BCAM: variants seen among roughly 807,000 people sequenced by gnomAD.
The protein encoded by BCAM is basal cell adhesion molecule (Lutheran blood group).
A neutral mutation model predicts 72.4 loss-of-function variants in BCAM; 61 were observed. The ratio of observed to expected loss-of-function variants is 0.84; its 90% CI spans 0.69 to 1.04. The LOEUF is 1.04. BCAM is among the 50% of genes least tolerant of loss of function. The pLI, the probability that BCAM is intolerant of heterozygous loss-of-function variation, is 0.00. For missense variants in BCAM, 909 were observed against 895.0 expected (o/e 1.02, Z -0.20); for synonymous variants, 408 against 384.2 (o/e 1.06, Z -0.73).
At chr19:44,819,928 C>CCCCAA in intron 13 of BCAM, 1 of 302,128 alleles carries the variant, frequency 3.3e-6, no homozygotes, top group East Asian at 8.0e-5. Context: ...CCCAACTCAT[C>CCCCAA]CTCATCCCCA....
In BCAM at chr19:44,812,724, C is replaced by T. The variant is rs1034998254; in HGVS notation, c.504+176C>T. 10 of 679,900 alleles carry T rather than the reference C, an allele frequency of 1.5e-5. No homozygotes were observed. Among genetic ancestry groups the T allele is most frequent in the Non-Finnish European group, 2.2e-5 (9 of 411,442 alleles). 42.1% of individuals were successfully genotyped at this position (679,900 alleles called of 1,614,324 possible). ...CAGCATTTTGGGAGGCAGAGGCAGG[C>T]GGATCACCTGAGGTCAGGAGTTCCA... On this transcript the variant is annotated intron_variant, in intron 4 of 14. Coordinates refer to ENST00000270233, the MANE Select transcript of BCAM (RefSeq NM_005581.5). This position sits in a 1 kb window ranked among gnomAD's most constrained non-coding sequence, Gnocchi z 5.3.
In BCAM at chr19:44,812,537, T is replaced by C; in HGVS notation, c.493T>C (p.Ser165Pro). 1.2e-6 allele frequency: 2 copies of C among 1,614,168 alleles called. No individual in the cohort carries two copies. Among genetic ancestry groups the C allele is most frequent in the Non-Finnish European group, 1.7e-6 (2 of 1,180,004 alleles). The change falls in exon 4 of 15, where the codon TCT (serine) becomes CCT (proline). Residue 165 changes from serine to proline, a missense_variant. Transcript: ENST00000270233. The surrounding 1 kb of genome is among the most constrained non-coding windows in gnomAD (Gnocchi z 5.3). ...AGGGACACTGTCTGTGATGGAGGAC[T>C]CTGCCCAGGAGGTACCTCTCGGGTG... Reference protein sequence around the residue: ...NKGTLSVMEDSAQEIATCNSR... With the variant: ...NKGTLSVMEDPAQEIATCNSR...
Position 44,819,187 on chromosome 19 carries a change from G to T in BCAM, c.1468G>T (p.Gly490Cys). ...CAAACTCAGCTGGAGCCAATTGGGG[G>T]GCAGCGTAAGGGACCTTCCTCTCCA... The part of the protein sequence containing the change: ...DPKLSWSQLG[G>C]SPAEPIPGRQ... Residue 490 changes from glycine (G) to cysteine (C), a missense_variant, in exon 11 of 15, where the codon GGC becomes TGC. Coordinates refer to ENST00000270233, the MANE Select transcript of BCAM (RefSeq NM_005581.5). 1.2e-6 allele frequency: 2 copies of T among 1,613,910 alleles called. No individual in the cohort carries two copies. The highest frequency in any genetic ancestry group is 1.7e-6 in the Non-Finnish European group (2 of 1,179,934).
At chr19:44,809,232 G>T in intron 1 of BCAM, 26 bp downstream of exon 1, 1 of 1,420,358 alleles carries the variant, frequency 7.0e-7, no homozygotes, top group Non-Finnish European at 9.2e-7. Flanking sequence ...AGGGCAAGGT[G>T]GGACTGGGGA....
rs1968584626 is a variant in BCAM, at chr19:44,821,089, T to G, written c.*168T>G. ...AAGGCAGGGACCCACAGTGGCTGCC[T>G]GCCTCCGGGAGGGAAGGAGAGGGAG... is the stretch of plus-strand genomic sequence containing the variant. On this transcript the variant is annotated 3_prime_UTR_variant, in exon 15 of 15. Transcript: ENST00000270233. The G allele has an allele frequency of 2.5e-5, 13 of 519,634 alleles. No individual in the cohort carries two copies. Among genetic ancestry groups the G allele is most frequent in the South Asian group, 1.3e-4 (3 of 22,786 alleles). The allele number at this position is 519,634 out of a possible 1,614,324, so 32.2% of individuals were successfully genotyped here.
chr19:44,811,017 G>T (rs565986751), intron 1 of BCAM, among the ~76,000 whole-genome samples: 5 of 151,374 alleles, frequency 3.3e-5, no homozygotes, highest in South Asian at 2.1e-4. Flanking sequence ...GGGAGGAGGG[G>T]CTGGGGCCTA....
rs757873954 is a variant in BCAM at position 44,818,553 on chromosome 19, G to T, written c.1110G>T (p.Lys370Asn). 6.2e-7 allele frequency: 1 copy of T among 1,614,082 alleles called. No individual in the cohort carries two copies. Among genetic ancestry groups the T allele is most frequent in the East Asian group, 2.2e-5 (1 of 44,880 alleles). Reference protein sequence around the residue: ...YLDPLELSEGKVLSLPLNSSA... With the variant: ...YLDPLELSEGNVLSLPLNSSA... ...ACCCCCTGGAGCTCAGCGAGGGGAA[G>T]GTGCTTTCCTTACCTCTAAACAGCA... The change falls in exon 9 of 15, where the codon AAG becomes AAT. Residue 370 changes from lysine to asparagine, a missense_variant. Physicochemically the swap from Lys to Asn is moderately conservative, Grantham distance 94. Coordinates refer to ENST00000270233, the MANE Select transcript of BCAM (RefSeq NM_005581.5). The surrounding 1 kb of genome is among the most constrained non-coding windows in gnomAD (Gnocchi z 4.6).
rs1281483942 is a variant in BCAM at position 44,814,455 on chromosome 19, G to A, written c.922-149G>A. The A allele has an allele frequency of 1.5e-5, 21 of 1,376,668 alleles. No individual in the cohort carries two copies. Among genetic ancestry groups the A allele is most frequent in the East Asian group, 2.5e-5 (1 of 40,592 alleles). The allele number at this position is 1,376,668 out of a possible 1,614,324, so 85.3% of individuals were successfully genotyped here. A position where few individuals can be genotyped will look rare whatever the true frequency, so the allele number is the denominator to read the frequency against. Reference sequence around the variant, plus strand: ...AGGACCTCTGACCCCTGATTTGAGAGAGTCAGGACTTAGCATGCCACCTGA... The same window carrying A: ...AGGACCTCTGACCCCTGATTTGAGAAAGTCAGGACTTAGCATGCCACCTGA... On this transcript the variant is annotated intron_variant, in intron 7 of 14. Coordinates refer to ENST00000270233, the MANE Select transcript of BCAM (RefSeq NM_005581.5). The surrounding 1 kb of genome is among the most constrained non-coding windows in gnomAD (Gnocchi z 4.6).
In BCAM at chr19:44,813,295, A is replaced by G. The variant is rs1397120071; in HGVS notation, c.550A>G (p.Thr184Ala). 6.2e-7 allele frequency: 1 copy of G among 1,614,118 alleles called. No homozygotes were observed. The highest frequency in any genetic ancestry group is 1.1e-5 in the South Asian group (1 of 91,088). Reference sequence around the variant, plus strand: ...GAACGGGAACCCGGCCCCCAAGATCACGTGGTATCGCAACGGGCAGCGCCT... The same window carrying G: ...GAACGGGAACCCGGCCCCCAAGATCGCGTGGTATCGCAACGGGCAGCGCCT... ...SRNGNPAPKI[T>A]WYRNGQRLEV... is the part of the protein sequence containing the mutation. The change falls in exon 5 of 15, where the codon ACG becomes GCG. Residue 184 changes from threonine (T) to alanine (A), a missense_variant. By Grantham distance (58) the Thr-to-Ala change is moderately conservative. Transcript: ENST00000270233. The surrounding 1 kb of genome is among the most constrained non-coding windows in gnomAD (Gnocchi z 4.2).
Position 44,820,693 on chromosome 19 carries a change from T to C in BCAM, c.1764-12T>C. 7.5e-7 allele frequency: 1 copy of C among 1,341,178 alleles called. No homozygotes were observed. Among genetic ancestry groups the C allele is most frequent in the Non-Finnish European group, 9.6e-7 (1 of 1,038,228 alleles). 83.1% of individuals were successfully genotyped at this position (1,341,178 alleles called of 1,614,324 possible). On this transcript the variant is annotated splice_polypyrimidine_tract_variant and intron_variant, in intron 13 of 14. Coordinates refer to ENST00000270233, the MANE Select transcript of BCAM (RefSeq NM_005581.5). ...CAACACGACGCCTCCGCCCGCTGCC[T>C]CCTCCCCCCAGGCCGCCAGGGGAGC... is the stretch of plus-strand genomic sequence containing the variant.
At chr19:44,811,067 T>C (rs28399607) in intron 1 of BCAM, among the ~76,000 whole-genome samples, 158 bp from the exon 2 acceptor site, 5,400 of 140,572 alleles carry the variant, frequency 0.038, 141 homozygotes, top group Non-Finnish European at 0.059. Context: ...GGGGCCCAGA[T>C]TCCTGGGTCT....
intron 1 of BCAM, among the ~76,000 whole-genome samples, chr19:44,810,425 C>T (rs1439392566): frequency 6.6e-6 from 1 of 152,160 alleles, no homozygotes; most frequent in Non-Finnish European, 1.5e-5. Flanking sequence ...CTGAAACCTG[C>T]CCAGCCCTGT....
At position 44,811,626 on chromosome 19, in the gene BCAM, C is replaced by A. The variant is rs935319368; in HGVS notation, c.204+280C>A. ...CAGAAGCCAGGCACGGTGGCTCACG[C>A]CTGTAATCCCAGCACTTTGGGAGGC... On this transcript the variant is annotated intron_variant, in intron 2 of 14. Transcript: ENST00000270233. 214 of 394,898 alleles carry A rather than the reference C, an allele frequency of 5.4e-4. 1 individual carries two copies. The highest frequency in any genetic ancestry group is 4.2e-3 in the African/African-American group (202 of 48,580). The allele number at this position is 394,898 out of a possible 1,614,324, so 24.5% of individuals were successfully genotyped here. A position where few individuals can be genotyped will look rare whatever the true frequency, so the allele number is the denominator to read the frequency against.
Position 44,818,488 on chromosome 19 carries a change from T to C in BCAM, c.1079-34T>C. 6.3e-7 allele frequency: 1 copy of C among 1,593,362 alleles called. No individual in the cohort carries two copies. The highest frequency in any genetic ancestry group is 8.6e-7 in the Non-Finnish European group (1 of 1,163,878). The stretch of plus-strand genomic sequence containing the variant: ...GAGCCCCTAATTGAGTGGGTGGCGG[T>C]CTGGGACGAGTGACAGACTGTCCCC... On this transcript the variant is annotated intron_variant, in intron 8 of 14. Transcript: ENST00000270233. This position sits in a 1 kb window ranked among gnomAD's most constrained non-coding sequence, Gnocchi z 4.6.
At chr19:44,820,507 T>G (rs111777472) in intron 13 of BCAM, 198 bp from the exon 14 acceptor site, 20 of 1,264,310 alleles carry the variant, frequency 1.6e-5, no homozygotes, top group Non-Finnish European at 1.8e-5. Flanking sequence ...CAATAGCATC[T>G]GCATCCCCAT....
Position 44,811,279 on chromosome 19 carries a change from G to T in BCAM, c.137G>T (p.Gly46Val). Reference protein sequence around the residue: ...SVPPLVEVMRGKSVILDCTPT... With the variant: ...SVPPLVEVMRVKSVILDCTPT... The stretch of plus-strand genomic sequence containing the variant: ...CCCCCGCTGGTGGAGGTGATGCGAG[G>T]AAAGTCTGTCATTCTGGACTGCACC... Residue 46 changes from glycine to valine, a missense_variant, in exon 2 of 15, where the codon GGA becomes GTA. Coordinates refer to ENST00000270233, the MANE Select transcript of BCAM (RefSeq NM_005581.5). The T allele has an allele frequency of 6.2e-7, 1 of 1,613,442 alleles. No homozygotes were observed. The highest frequency in any genetic ancestry group is 8.5e-7 in the Non-Finnish European group (1 of 1,179,948).
intron 1 of BCAM, 47 bp from the exon 2 acceptor site, chr19:44,811,178 C>T (rs747272404): frequency 6.2e-7 from 1 of 1,609,922 alleles, no homozygotes; most frequent in Admixed American, 1.7e-5. Flanking sequence ...GTCTGGAGGG[C>T]TCTTCCTGTT....
intron 8 of BCAM, among the ~76,000 whole-genome samples, chr19:44,817,032 T>TTG (rs1968511647): frequency 6.6e-6 from 1 of 151,956 alleles, no homozygotes; most frequent in Non-Finnish European, 1.5e-5. Context: ...GGTCAGGAGT[T>TTG]TGAGACCATC....
Position 44,814,499 on chromosome 19 carries a change from C to A in BCAM, c.922-105C>A. On this transcript the variant is annotated intron_variant, in intron 7 of 14. Transcript: ENST00000270233. This position sits in a 1 kb window ranked among gnomAD's most constrained non-coding sequence, Gnocchi z 4.6. ...CACCTGACTTGATGGCCCCTGACCC[C>A]TGATTCTGGCTTAGCATGACACTAA... 1 of 1,486,732 alleles carries A rather than the reference C, an allele frequency of 6.7e-7. No individual in the cohort carries two copies. The highest frequency in any genetic ancestry group is 9.1e-7 in the Non-Finnish European group (1 of 1,104,394). The allele number at this position is 1,486,732 out of a possible 1,614,324, so 92.1% of individuals were successfully genotyped here.
Sources: gnomAD v4.1 joint callset for allele counts (sites outside exome capture counted in the v4.1 genomes callset) on GRCh38, gnomAD v4.1.1 for gene constraint, Gnocchi (gnomAD v3.1) non-coding constraint, MANE v1.5 for transcripts, NCBI Gene and HGNC (gene_info 2026-07-23, HGNC 2026-07-21) for gene names.